FAM20B: variants seen among roughly 807,000 people sequenced by gnomAD.
FAM20B encodes FAM20B glycosaminoglycan xylosylkinase.
A neutral mutation model predicts 43.8 loss-of-function variants in FAM20B; 23 were observed. The ratio of observed to expected loss-of-function variants is 0.53; its 90% CI spans 0.38 to 0.74. The LOEUF is 0.74. Among genes scored for constraint, FAM20B ranks in the 30% least tolerant of loss-of-function variants. The pLI is 0.00. For missense variants in FAM20B, 440 were observed against 510.5 expected, an observed-to-expected ratio of 0.86 and a Z score of 1.33; for synonymous variants, 178 against 192.4, an observed-to-expected ratio of 0.93 and a Z score of 0.62.
intron 1 of FAM20B, among the ~76,000 whole-genome samples, chr1:179,026,517 C>T (rs1308830520): frequency 6.6e-6 from 1 of 152,168 alleles, no homozygotes; most frequent in South Asian, 2.1e-4. Flanking sequence ...CTTGTGTTCC[C>T]CGGAGCGCCC....
chr1:179,066,525 A>C (rs1651696530), intron 6 of FAM20B, among the ~76,000 whole-genome samples: 1 of 152,096 alleles, frequency 6.6e-6, no homozygotes, highest in South Asian at 2.1e-4. Flanking sequence ...CACTGTGTTT[A>C]CCATAGTTAT....
At chr1:179,041,155 G>A (rs1214483958) in intron 1 of FAM20B, among the ~76,000 whole-genome samples, 1 of 148,774 alleles carries the variant, frequency 6.7e-6, no homozygotes, top group Non-Finnish European at 1.5e-5. Flanking sequence ...GGGCAGAGAC[G>A]CTCCTCACTT....
rs1436327288 is a variant in FAM20B at position 179,075,664 on chromosome 1, G to T, written c.*3520G>T. 6.6e-6 allele frequency: 1 copy of T among 152,390 alleles called. No homozygotes were observed. Among genetic ancestry groups the T allele is most frequent in the African/African-American group, 2.4e-5 (1 of 41,362 alleles). The allele number at this position is 152,390 out of a possible 1,614,324, so 9.4% of individuals were successfully genotyped here. On this transcript the variant is annotated 3_prime_UTR_variant, in exon 8 of 8. Coordinates refer to ENST00000263733, the MANE Select transcript of FAM20B (RefSeq NM_014864.4). ...TTAAGAAGGAAATGGAAGAATTCAG[G>T]TACATTAATTGCATATTATTTTGGG... is the stretch of plus-strand genomic sequence containing the variant.
chr1:179,073,313 T>C lies in FAM20B; in HGVS notation c.*1169T>C, dbSNP rs1257316765. ...CAAAGATTTTAAGCCTTCTTCTTTT[T>C]TTCTTTTTTCTTTTTTTTTTGAGAC... On this transcript the variant is annotated 3_prime_UTR_variant, in exon 8 of 8. Transcript: ENST00000263733. The C allele has an allele frequency of 6.6e-6, 1 of 152,164 alleles. No individual in the cohort carries two copies. The highest frequency in any genetic ancestry group is 1.5e-5 in the Non-Finnish European group (1 of 68,076). The allele number at this position is 152,164 out of a possible 1,614,324, so 9.4% of individuals were successfully genotyped here.
At chr1:179,027,254 C>T (rs1243828590) in intron 1 of FAM20B, among the ~76,000 whole-genome samples, 1 of 152,156 alleles carries the variant, frequency 6.6e-6, no homozygotes, top group Admixed American at 6.5e-5. Context: ...GTTGTAAATT[C>T]TTGCAAAAAT....
At chr1:179,028,513 C>T (rs1280652592) in intron 1 of FAM20B, among the ~76,000 whole-genome samples, 2 of 152,198 alleles carry the variant, frequency 1.3e-5, no homozygotes, top group Non-Finnish European at 2.9e-5. Context: ...ACCCAGGAGG[C>T]AGAGGTTGCA....
chr1:179,071,774 G>A, intron 7 of FAM20B, 139 bp from the exon 8 acceptor site: 1 of 646,444 alleles, frequency 1.5e-6, no homozygotes, highest in Non-Finnish European at 2.8e-6. Flanking sequence ...TCATTATGTA[G>A]GGGTAATTCT....
chr1:179,036,971 A>G lies in FAM20B; in HGVS notation c.-133-6744A>G, dbSNP rs148536545. ...GAGGGACTACAGTGTAAGGAATGAC[A>G]GAAGCAAAGAGCACCTACACATCAA... On this transcript the variant is annotated intron_variant, in intron 1 of 7. Coordinates refer to ENST00000263733, the MANE Select transcript of FAM20B (RefSeq NM_014864.4). Among the ~76,000 whole-genome samples the G allele has an allele frequency of 2.2e-3, 328 of 152,332 alleles. 1 individual carries two copies. The highest frequency in any genetic ancestry group is 7.8e-3 in the African/African-American group (323 of 41,576).
intron 4 of FAM20B, among the ~76,000 whole-genome samples, chr1:179,062,086 A>T (rs1651487794): frequency 6.6e-6 from 1 of 151,814 alleles, no homozygotes; most frequent in Non-Finnish European, 1.5e-5. Context: ...GGCTTATTGC[A>T]AACTTTGCCT....
chr1:179,046,677 A>G (rs916243689), intron 2 of FAM20B, among the ~76,000 whole-genome samples: 3 of 150,700 alleles, frequency 2.0e-5, no homozygotes, highest in Non-Finnish European at 4.4e-5. Flanking sequence ...AAATAAATAA[A>G]GAGATGAGTT....
chr1:179,043,311 G>A (rs1650623407), intron 1 of FAM20B, among the ~76,000 whole-genome samples: 1 of 152,250 alleles, frequency 6.6e-6, no homozygotes, highest in African/African-American at 2.4e-5. Flanking sequence ...TGGGTGCGGG[G>A]AGTGGGGAGA....
intron 7 of FAM20B, 136 bp downstream of exon 7, chr1:179,066,995 T>C: frequency 1.6e-6 from 1 of 639,332 alleles, no homozygotes; most frequent in Non-Finnish European, 2.8e-6. Flanking sequence ...ACCTAGAACC[T>C]CTGGACATCC....
chr1:179,040,677 C>T lies in FAM20B; in HGVS notation c.-133-3038C>T, dbSNP rs529185483. Reference sequence around the variant, plus strand: ...GCCGGGCGCTGATCCCCCCACCTCCCTCCCGGACGGGGCGGCTGGCCTGGC... The same window carrying T: ...GCCGGGCGCTGATCCCCCCACCTCCTTCCCGGACGGGGCGGCTGGCCTGGC... On this transcript the variant is annotated intron_variant, in intron 1 of 7. Transcript: ENST00000263733. Among the ~76,000 whole-genome samples, 488 of 128,184 alleles carry T rather than the reference C, an allele frequency of 3.8e-3. 60 individuals carry two copies. The highest frequency in any genetic ancestry group is 0.013 in the African/African-American group (457 of 34,626). 84.1% of individuals were successfully genotyped at this position (128,184 alleles called of 152,430 possible).
intron 1 of FAM20B, chr1:179,035,184 C>G: frequency 2.5e-6 from 1 of 398,096 alleles, no homozygotes; most frequent in East Asian, 6.0e-5. Flanking sequence ...CTGTAGACCC[C>G]CACACCAACA....
chr1:179,019,472 T>G, the FAM20B span, among the ~76,000 whole-genome samples: 9 of 151,834 alleles, frequency 5.9e-5, no homozygotes, highest in African/African-American at 1.9e-4. Flanking sequence ...TGTTTCTTTT[T>G]TTTTTTTGAG....
In FAM20B at chr1:179,044,145, G is replaced by T. The variant is rs1253156205; in HGVS notation, c.298G>T (p.Asp100Tyr). ...AMATKKIIKA[D>Y]VGYKGTQLKA... ...GGCCACCAAGAAAATCATTAAAGCT[G>T]ATGTGGGTTATAAAGGGACACAGCT... The change falls in exon 2 of 8, where the codon GAT becomes TAT. Residue 100 changes from aspartate (D) to tyrosine (Y), a missense_variant. Transcript: ENST00000263733. 1 of 1,614,196 alleles carries T rather than the reference G, an allele frequency of 6.2e-7. No individual in the cohort carries two copies. Among genetic ancestry groups the T allele is most frequent in the South Asian group, 1.1e-5 (1 of 91,086 alleles).
At chr1:179,067,988 A>G (rs879578138) in intron 7 of FAM20B, among the ~76,000 whole-genome samples, 3 of 152,024 alleles carry the variant, frequency 2.0e-5, no homozygotes, top group Admixed American at 2.0e-4. Context: ...GTGTCAAACT[A>G]TTGACTTCAA....
chr1:179,039,744 T>A (rs574731580), intron 1 of FAM20B, among the ~76,000 whole-genome samples: 1,849 of 150,544 alleles, frequency 0.012, 16 homozygotes, highest in South Asian at 0.015. Flanking sequence ...TATTTATTAT[T>A]TTTTTTTATT....
rs1204702507 is a variant in FAM20B, at chr1:179,025,960, G to T, written c.-272G>T. The T allele has an allele frequency of 4.7e-5, 7 of 147,758 alleles. No individual in the cohort carries two copies. The highest frequency in any genetic ancestry group is 3.0e-5 in the Non-Finnish European group (2 of 65,950). The allele number at this position is 147,758 out of a possible 1,614,324, so 9.2% of individuals were successfully genotyped here. On this transcript the variant is annotated 5_prime_UTR_variant, in exon 1 of 8. Coordinates refer to ENST00000263733, the MANE Select transcript of FAM20B (RefSeq NM_014864.4). ...GAATGGCCGGGCCGGGGGTGGGCCG[G>T]AGCCGCTGTGGCGGCGGCGGCGGCT...
Sources: gnomAD v4.1 joint callset for allele counts (sites outside exome capture counted in the v4.1 genomes callset) on GRCh38, gnomAD v4.1.1 for gene constraint, MANE v1.5 for transcripts, NCBI Gene and HGNC (gene_info 2026-07-23, HGNC 2026-07-21) for gene names.